Variants in DENND1A observed in about 807,000 individuals in gnomAD.
The protein encoded by DENND1A is DENN domain-containing protein 1A.
Under a neutral mutation model 113.7 loss-of-function variants are expected in DENND1A, and 51 were observed. That is an observed-to-expected ratio of 0.45 (90% CI 0.36 to 0.57). The LOEUF is 0.57. Ranked by LOEUF, DENND1A falls within the 20% of genes least tolerant of loss-of-function variation. The pLI is 0.00. For synonymous variants in DENND1A, 565 were observed against 570.8 expected, an observed-to-expected ratio of 0.99 and a Z score of 0.14; for missense variants, 1,258 against 1,395.9, an observed-to-expected ratio of 0.90 and a Z score of 1.57.
chr9:123,728,538 A>C (rs2067921552), intron 5 of DENND1A, among the ~76,000 whole-genome samples: 1 of 148,438 alleles, frequency 6.7e-6, no homozygotes, highest in Non-Finnish European at 1.5e-5. Context: ...TACCCAAGTC[A>C]TTTTATACAT....
At chr9:123,561,503 G>A (rs2057753347) in intron 12 of DENND1A, among the ~76,000 whole-genome samples, 2 of 152,156 alleles carry the variant, frequency 1.3e-5, no homozygotes, top group African/African-American at 2.4e-5. Context: ...GCATCTGATC[G>A]CTGGGGAGTA....
chr9:123,438,056 A>G (rs2046653295), intron 19 of DENND1A, among the ~76,000 whole-genome samples: 1 of 152,214 alleles, frequency 6.6e-6, no homozygotes, highest in Admixed American at 6.5e-5. Flanking sequence ...AGAAAATAGT[A>G]TAGATGGTAA....
chr9:123,392,763 C>T (rs926594441), intron 21 of DENND1A, among the ~76,000 whole-genome samples: 2 of 152,126 alleles, frequency 1.3e-5, no homozygotes, highest in Non-Finnish European at 1.5e-5. Flanking sequence ...ACCCATCGCC[C>T]GAGCAGTGTA....
rs936222820 is a variant in DENND1A, at chr9:123,630,457, C to G, written c.638G>C (p.Gly213Ala). The change falls in exon 10 of 24, where the codon GGG (glycine) becomes GCG (alanine). Residue 213 changes from glycine to alanine, a missense_variant. Physicochemically the swap from Gly to Ala is moderately conservative, Grantham distance 60. Coordinates refer to ENST00000394215, the MANE Select transcript of DENND1A (RefSeq NM_001352964.2). ...CATGGGGTAGAGCATCGCCGCAGAC[C>G]CGTGGATGCAGGCAGTCAGCTGGAA... ...KLSTLTACIH[G>A]SAAMLYPMYW... 5 of 1,592,118 alleles carry G rather than the reference C, an allele frequency of 3.1e-6. No individual in the cohort carries two copies. The highest frequency in any genetic ancestry group is 2.7e-5 in the African/African-American group (2 of 74,576).
intron 19 of DENND1A, among the ~76,000 whole-genome samples, chr9:123,429,648 A>G (rs1439601558): frequency 6.6e-6 from 1 of 152,216 alleles, no homozygotes; most frequent in Non-Finnish European, 1.5e-5. Flanking sequence ...GATATGCAGA[A>G]AATTGAAAGT....
At chr9:123,617,839 G>A (rs184897494) in intron 10 of DENND1A, among the ~76,000 whole-genome samples, 2 of 152,216 alleles carry the variant, frequency 1.3e-5, no homozygotes, top group African/African-American at 4.8e-5. Flanking sequence ...ATGAGAGCCT[G>A]TGGAAACACA....
intron 21 of DENND1A, among the ~76,000 whole-genome samples, chr9:123,392,602 CCTTCCTAGTCAGG>C (rs2042916481): frequency 6.6e-6 from 1 of 152,206 alleles, no homozygotes; most frequent in African/African-American, 2.4e-5. Flanking sequence ...ACTACCCTCC[CCTTCCTAGTCAGG>C]CTACCTTGGA....
chr9:123,745,233 G>C (rs927560845), intron 5 of DENND1A, among the ~76,000 whole-genome samples: 14 of 152,134 alleles, frequency 9.2e-5, no homozygotes, highest in African/African-American at 3.1e-4. Context: ...CCATGCCACC[G>C]TGTAACTCAT....
intron 13 of DENND1A, among the ~76,000 whole-genome samples, chr9:123,531,156 T>G (rs2055263306): frequency 6.6e-6 from 1 of 152,184 alleles, no homozygotes; most frequent in Non-Finnish European, 1.5e-5. Context: ...AAAATCTTTC[T>G]GGGAAAGCAA....
chr9:123,592,672 A>C (rs2059512697), intron 11 of DENND1A, among the ~76,000 whole-genome samples: 1 of 151,988 alleles, frequency 6.6e-6, no homozygotes, highest in African/African-American at 2.4e-5. Context: ...GTTTGGATTT[A>C]TTTTATTTTA....
intron 5 of DENND1A, among the ~76,000 whole-genome samples, chr9:123,685,626 G>A (rs1247752113): frequency 6.6e-6 from 1 of 152,132 alleles, no homozygotes; most frequent in Non-Finnish European, 1.5e-5. Flanking sequence ...ATTTCTATGA[G>A]AGTATTACTT....
chr9:123,653,277 C>G (rs898388083), intron 8 of DENND1A, among the ~76,000 whole-genome samples: 1 of 152,180 alleles, frequency 6.6e-6, no homozygotes, highest in Non-Finnish European at 1.5e-5. Flanking sequence ...ATTAACAGCT[C>G]TATATACTAA....
intron 1 of DENND1A, among the ~76,000 whole-genome samples, chr9:123,914,556 A>AAG (rs1043972617): frequency 1.3e-5 from 2 of 151,438 alleles, no homozygotes; most frequent in African/African-American, 4.9e-5. Flanking sequence ...AAAAAAAAAA[A>AAG]AAAAAAAGAA....
intron 5 of DENND1A, among the ~76,000 whole-genome samples, chr9:123,742,256 T>C (rs546132431): frequency 6.6e-6 from 1 of 150,630 alleles, no homozygotes; most frequent in African/African-American, 2.4e-5. Context: ...AAAAAGGCTA[T>C]GCTTAGATTG....
intron 4 of DENND1A, among the ~76,000 whole-genome samples, 194 bp from the exon 5 acceptor site, chr9:123,758,016 T>C (rs2070724079): frequency 6.6e-6 from 1 of 150,742 alleles, no homozygotes; most frequent in African/African-American, 2.4e-5. Context: ...CAGCCTATTC[T>C]AGTGACCACC....
intron 4 of DENND1A, 79 bp downstream of exon 4, chr9:123,769,435 A>T: frequency 7.9e-7 from 1 of 1,261,308 alleles, no homozygotes; most frequent in Non-Finnish European, 1.1e-6. Context: ...ACAGAATGTT[A>T]AGAATGGTAT....
At chr9:123,692,064 C>G (rs1296197033) in intron 5 of DENND1A, among the ~76,000 whole-genome samples, 2 of 152,168 alleles carry the variant, frequency 1.3e-5, no homozygotes, top group Admixed American at 6.5e-5. Context: ...CTCCCATTGA[C>G]AAGCAGGCTC....
At chr9:123,504,778 A>C (rs1254729186) in intron 13 of DENND1A, among the ~76,000 whole-genome samples, 1 of 152,186 alleles carries the variant, frequency 6.6e-6, no homozygotes, top group Non-Finnish European at 1.5e-5. Flanking sequence ...AGCTCTGTGG[A>C]CTACCAAGGC....
chr9:123,565,622 C>G (rs2136217933), intron 12 of DENND1A, among the ~76,000 whole-genome samples: 1 of 152,192 alleles, frequency 6.6e-6, no homozygotes, highest in South Asian at 2.1e-4. Context: ...AGGCTTTTTT[C>G]TAAAGTCCCA....
Sources: allele counts gnomAD v4.1 joint callset (sites outside exome capture counted in the v4.1 genomes callset), GRCh38; gene constraint gnomAD v4.1.1; transcripts MANE v1.5; gene names NCBI Gene and HGNC (gene_info 2026-07-23, HGNC 2026-07-21).